Variants in GRK5 observed in about 807,000 individuals in gnomAD.
The protein encoded by GRK5 is G protein-coupled receptor kinase 5.
Under a neutral mutation model 78.4 loss-of-function variants are expected in GRK5, and 40 were observed. That is an observed-to-expected ratio of 0.51 (90% CI 0.40 to 0.66). The LOEUF is 0.66. GRK5 is among the 30% of genes least tolerant of loss of function. GRK5 has a pLI of 0.00. For missense variants in GRK5, 598 were observed against 759.9 expected (o/e 0.79, Z 2.50); for synonymous variants, 289 against 296.8 (o/e 0.97, Z 0.27).
At chr10:119,290,416 G>C (rs1288535633) in intron 1 of GRK5, among the ~76,000 whole-genome samples, 1 of 150,070 alleles carries the variant, frequency 6.7e-6, no homozygotes, top group African/African-American at 2.5e-5. Context: ...TAACCTCTAC[G>C]GCTGTTATTC....
intron 6 of GRK5, among the ~76,000 whole-genome samples, chr10:119,425,330 C>T (rs1211712461): frequency 6.7e-6 from 1 of 149,112 alleles, no homozygotes; most frequent in Non-Finnish European, 1.5e-5. Context: ...AACAGCATCT[C>T]GTTCTTACTT....
At position 119,216,954 on chromosome 10, in the gene GRK5, A is replaced by C. The variant is rs188007723; in HGVS notation, c.52+8985A>C. ...AGGTAAAATAATAATTTAAAAAAAAACATAAAAATAAAAAAAGGGAGTCAC... is the reference window on the plus strand; with the variant it reads ...AGGTAAAATAATAATTTAAAAAAAACCATAAAAATAAAAAAAGGGAGTCAC... On this transcript the variant is annotated intron_variant, in intron 1 of 15. Transcript: ENST00000392870. 2.4e-4 allele frequency among the ~76,000 whole-genome samples: 36 copies of C among 152,280 alleles called. No homozygotes were observed. The East Asian group carries it at 3.1e-3, about 13-fold the overall frequency.
chr10:119,436,814 A>T lies in GRK5; in HGVS notation c.902A>T (p.Asp301Val), dbSNP rs758323171. Residue 301 changes from aspartate to valine, a missense_variant, in exon 9 of 16, where the codon GAC becomes GTC. Asp to Val is a radical substitution (Grantham distance 152). Coordinates refer to ENST00000392870, the MANE Select transcript of GRK5 (RefSeq NM_005308.3). ...YAAEILCGLEDLHRENTVYRD... is the reference protein window; with the variant it reads ...YAAEILCGLEVLHRENTVYRD... ...GCAGAGATCCTCTGCGGCTTAGAAG[A>T]CCTCCACCGTGAGAACACCGTCTAC... 2 of 1,610,122 alleles carry T rather than the reference A, an allele frequency of 1.2e-6. No individual in the cohort carries two copies. Among genetic ancestry groups the T allele is most frequent in the Non-Finnish European group, 1.7e-6 (2 of 1,177,660 alleles).
At chr10:119,320,849 T>C (rs1328861486) in intron 1 of GRK5, among the ~76,000 whole-genome samples, 1 of 152,144 alleles carries the variant, frequency 6.6e-6, no homozygotes, top group Non-Finnish European at 1.5e-5. Context: ...TGGGAGGTGA[T>C]GGCCCCAGCC....
At chr10:119,303,539 G>T (rs974231919) in intron 1 of GRK5, among the ~76,000 whole-genome samples, 1 of 152,164 alleles carries the variant, frequency 6.6e-6, no homozygotes, top group Admixed American at 6.5e-5. Flanking sequence ...GTGTGGGCCT[G>T]GGGCATAGTG....
At chr10:119,300,988 C>T (rs376534849) in intron 1 of GRK5, among the ~76,000 whole-genome samples, 4 of 152,084 alleles carry the variant, frequency 2.6e-5, no homozygotes, top group Middle Eastern at 3.4e-3. Flanking sequence ...CCTGTAATCC[C>T]GGCTACTTGG....
At chr10:119,388,749 A>G (rs1851838583) in intron 3 of GRK5, among the ~76,000 whole-genome samples, 1 of 152,202 alleles carries the variant, frequency 6.6e-6, no homozygotes, top group South Asian at 2.1e-4. Context: ...CTGTTGGCTC[A>G]AGGTCTCTCA....
chr10:119,260,372 CT>C (rs56407821), intron 1 of GRK5, among the ~76,000 whole-genome samples: 14,071 of 101,354 alleles, frequency 0.14, 1,036 homozygotes, highest in Middle Eastern at 0.2. Context: ...TAACCGTCTG[CT>C]TTTTTTTTTT....
At chr10:119,340,112 G>T (rs1483263778) in intron 2 of GRK5, among the ~76,000 whole-genome samples, 2 of 149,216 alleles carry the variant, frequency 1.3e-5, no homozygotes, top group Non-Finnish European at 2.9e-5. Flanking sequence ...TGGTTTTTTT[G>T]TTTGTTTGTT....
intron 1 of GRK5, among the ~76,000 whole-genome samples, chr10:119,275,362 G>A (rs1486106755): frequency 1.3e-5 from 2 of 152,204 alleles, no homozygotes; most frequent in East Asian, 1.9e-4. Flanking sequence ...ACCTCGGTCA[G>A]GCTTGGATAC....
chr10:119,236,582 T>A (rs1016812884), intron 1 of GRK5, among the ~76,000 whole-genome samples: 5 of 152,184 alleles, frequency 3.3e-5, no homozygotes, highest in African/African-American at 1.2e-4. Flanking sequence ...TTTTAGATAA[T>A]TCAAAGTTTT....
chr10:119,347,360 C>T (rs1851113856), intron 2 of GRK5, among the ~76,000 whole-genome samples: 1 of 151,576 alleles, frequency 6.6e-6, no homozygotes, highest in Admixed American at 6.6e-5. Flanking sequence ...CGTGTGTGTA[C>T]ATGCAAGTTT....
At chr10:119,391,789 G>A (rs1851892375) in intron 3 of GRK5, among the ~76,000 whole-genome samples, 2 of 152,164 alleles carry the variant, frequency 1.3e-5, no homozygotes, top group Admixed American at 1.3e-4. Flanking sequence ...TTTCTCCAGC[G>A]GGGTGCATGG....
At chr10:119,376,906 G>A (rs1368533288) in intron 2 of GRK5, among the ~76,000 whole-genome samples, 1 of 152,132 alleles carries the variant, frequency 6.6e-6, no homozygotes, top group Non-Finnish European at 1.5e-5. Context: ...CCTCTTTCTG[G>A]CTTGGAGGAA....
At chr10:119,262,890 C>A (rs927580689) in intron 1 of GRK5, among the ~76,000 whole-genome samples, 1 of 152,148 alleles carries the variant, frequency 6.6e-6, no homozygotes, top group African/African-American at 2.4e-5. Context: ...ACACATGCAT[C>A]TAAAAATTAT....
intron 2 of GRK5, among the ~76,000 whole-genome samples, chr10:119,364,153 G>A (rs1483811277): frequency 6.6e-6 from 1 of 152,202 alleles, no homozygotes; most frequent in Non-Finnish European, 1.5e-5. Context: ...CCATCTTAAA[G>A]AAAGGGAGGG....
chr10:119,287,624 T>G (rs1849877041), intron 1 of GRK5, among the ~76,000 whole-genome samples: 1 of 152,198 alleles, frequency 6.6e-6, no homozygotes, highest in Non-Finnish European at 1.5e-5. Flanking sequence ...GAAATTATAT[T>G]TCCATCTCTG....
rs75647291 is a variant in GRK5, at chr10:119,421,721, G to T, written c.340-1445G>T. ...GTGGTGTTTACTGTCACAGCAGCTC[G>T]CATCCACACTGCAGGCTGCCCCCCA... On this transcript the variant is annotated intron_variant, in intron 4 of 15. Transcript: ENST00000392870. Among the ~76,000 whole-genome samples, 30 of 152,314 alleles carry T rather than the reference G, an allele frequency of 2.0e-4. No homozygotes were observed. The East Asian group carries it at 5.2e-3, about 26-fold the overall frequency.
At chr10:119,394,388 C>CCA (rs1188434157) in intron 3 of GRK5, among the ~76,000 whole-genome samples, 14 of 20,526 alleles carry the variant, frequency 6.8e-4, no homozygotes, top group Admixed American at 1.3e-3. Flanking sequence ...GTGTGTGTAT[C>CCA]TGTGTCTGTG....
Sources: gnomAD v4.1 joint callset for allele counts (sites outside exome capture counted in the v4.1 genomes callset) on GRCh38, gnomAD v4.1.1 for gene constraint, MANE v1.5 for transcripts, NCBI Gene and HGNC (gene_info 2026-07-23, HGNC 2026-07-21) for gene names.